Variants in PPARGC1B observed in about 807,000 individuals in gnomAD.
PPARGC1B encodes peroxisome proliferator-activated receptor gamma coactivator 1-beta.
Under a neutral mutation model 101.6 loss-of-function variants are expected in PPARGC1B, and 34 were observed. The ratio of observed to expected loss-of-function variants is 0.33; its 90% CI spans 0.25 to 0.45. The LOEUF is 0.45. PPARGC1B is among the 20% of genes least tolerant of loss of function. The probability of loss-of-function intolerance (pLI) is 1.00; values close to 1 mark genes in which losing one functional copy is unlikely to be tolerated. For synonymous variants in PPARGC1B, 548 were observed against 539.3 expected (o/e 1.02, Z -0.22); for missense variants, 1,234 against 1,317.6 (o/e 0.94, Z 0.98).
intron 4 of PPARGC1B, among the ~76,000 whole-genome samples, chr5:149,831,981 G>A (rs1246361020): frequency 6.6e-6 from 1 of 152,156 alleles, no homozygotes; most frequent in Admixed American, 6.5e-5. Flanking sequence ...TTATACCCAT[G>A]CAATTGTGAC....
chr5:149,809,543 C>G (rs1757765299), intron 1 of PPARGC1B, among the ~76,000 whole-genome samples: 1 of 150,144 alleles, frequency 6.7e-6, no homozygotes, highest in African/African-American at 2.5e-5. Context: ...AGCAAGCAAG[C>G]TGGGAGTGGT....
Position 149,836,880 on chromosome 5 carries a change from G to A in PPARGC1B, c.2425G>A (p.Glu809Lys). Reference sequence around the variant, plus strand: ...CGAGAGCAGCTTCCTCCCAGAGGAGGAAGAGGAAGAAGGGGAGGAGGAGGA... The same window carrying A: ...CGAGAGCAGCTTCCTCCCAGAGGAGAAAGAGGAAGAAGGGGAGGAGGAGGA... The part of the protein sequence containing the change: ...SGESSFLPEE[E>K]EEEGEEEEED... The change falls in exon 8 of 12, where the codon GAA (glutamate) becomes AAA (lysine). Residue 809 changes from glutamate (E) to lysine (K), a missense_variant. Physicochemically the swap from Glu to Lys is moderately conservative, Grantham distance 56. Around this residue, in one of 3 missense-constraint regions of PPARGC1B, gnomAD observed 497 missense variants for 529.5 expected, o/e 0.94. Transcript: ENST00000309241. The A allele has an allele frequency of 1.2e-6, 2 of 1,613,132 alleles. No homozygotes were observed. The highest frequency in any genetic ancestry group is 1.7e-6 in the Non-Finnish European group (2 of 1,179,988).
At position 149,849,237 on chromosome 5, in the gene PPARGC1B, G is replaced by C. The variant is rs1388099517; in HGVS notation, c.*1679G>C. 21 of 152,170 alleles carry C rather than the reference G, an allele frequency of 1.4e-4. No individual in the cohort carries two copies. 9.4% of individuals were successfully genotyped at this position (152,170 alleles called of 1,614,324 possible). The stretch of plus-strand genomic sequence containing the variant: ...TAAAGATTATCAAATACCTCAGTAG[G>C]TAAAATGAGCCCATGATCTTCCACT... On this transcript the variant is annotated 3_prime_UTR_variant, in exon 12 of 12. Transcript: ENST00000309241.
intron 1 of PPARGC1B, among the ~76,000 whole-genome samples, chr5:149,816,064 C>CTTA (rs1174500463): frequency 6.6e-6 from 1 of 152,160 alleles, no homozygotes; most frequent in African/African-American, 2.4e-5. Context: ...ACAAGAAGGC[C>CTTA]TTAATTCAGA....
chr5:149,844,349 A>G (rs1205493126), intron 10 of PPARGC1B, among the ~76,000 whole-genome samples: 1 of 152,206 alleles, frequency 6.6e-6, no homozygotes, highest in Non-Finnish European at 1.5e-5. Flanking sequence ...CCAATATTAG[A>G]CATTAAAGAG....
chr5:149,731,501 G>C (rs1209716031), intron 1 of PPARGC1B, among the ~76,000 whole-genome samples: 1 of 152,184 alleles, frequency 6.6e-6, no homozygotes. Flanking sequence ...GCCTGGGCAC[G>C]GAGAGGGGCG....
chr5:149,856,008 T>G (rs368937228), downstream of PPARGC1B, among the ~76,000 whole-genome samples: 1 of 151,870 alleles, frequency 6.6e-6, no homozygotes, highest in Non-Finnish European at 1.5e-5. Context: ...TCCCAGCTAC[T>G]CGGGAGGCTG....
chr5:149,747,544 G>A (rs759301636), intron 1 of PPARGC1B, among the ~76,000 whole-genome samples: 54 of 152,274 alleles, frequency 3.5e-4, no homozygotes, highest in Admixed American at 7.8e-4. Flanking sequence ...CCAGGGCCCC[G>A]CCCCAAAATA....
In PPARGC1B at chr5:149,836,570, A is replaced by C. The variant is rs1352274539; in HGVS notation, c.2115A>C (p.Gln705His). Reference sequence around the variant, plus strand: ...TGCTCCGACCAGAAGGCGTCCTGCAAAGGAAGGTGCTGAGGTCCTGGGAGC... The same window carrying C: ...TGCTCCGACCAGAAGGCGTCCTGCACAGGAAGGTGCTGAGGTCCTGGGAGC... ...CQVLRPEGVL[Q>H]RKVLRSWEPS... The change falls in exon 8 of 12, where the codon CAA (glutamine) becomes CAC (histidine). Residue 705 changes from glutamine (Q) to histidine (H), a missense_variant. Coordinates refer to ENST00000309241, the MANE Select transcript of PPARGC1B (RefSeq NM_133263.4). The C allele has an allele frequency of 3.1e-6, 5 of 1,613,802 alleles. No homozygotes were observed. The highest frequency in any genetic ancestry group is 4.2e-6 in the Non-Finnish European group (5 of 1,180,042).
At chr5:149,749,486 C>G (rs1469823350) in intron 1 of PPARGC1B, among the ~76,000 whole-genome samples, 2 of 152,118 alleles carry the variant, frequency 1.3e-5, no homozygotes, top group Non-Finnish European at 2.9e-5. Flanking sequence ...GAGTTCCCTG[C>G]CTTATCTTGA....
intron 1 of PPARGC1B, among the ~76,000 whole-genome samples, chr5:149,748,296 TATA>T (rs1755158563): frequency 7.4e-6 from 1 of 134,718 alleles, no homozygotes; most frequent in African/African-American, 2.9e-5. Flanking sequence ...GAGATATAGA[TATA>T]GATATAGATA....
Position 149,832,674 on chromosome 5 carries a change from A to C in PPARGC1B, c.601A>C (p.Lys201Gln). The C allele has an allele frequency of 6.5e-7, 1 of 1,546,906 alleles. No individual in the cohort carries two copies. The highest frequency in any genetic ancestry group is 8.7e-7 in the Non-Finnish European group (1 of 1,143,614). ...PCVKADSTQD[K>Q]KAPMMQSQSR... ...TCTCTAGGCGGACAGCACCCAAGAC[A>C]AGAAGGCTCCCATGATGCAGTCTCA... is the stretch of plus-strand genomic sequence containing the variant. The change falls in exon 5 of 12, where the codon AAG (lysine) becomes CAG (glutamine). Residue 201 changes from lysine to glutamine, a missense_variant. Physicochemically the swap from Lys to Gln is moderately conservative, Grantham distance 53. This residue lies in a region of PPARGC1B where 734 missense variants were observed against 768.4 expected (regional missense o/e 0.96). Transcript: ENST00000309241. This position sits in a 1 kb window ranked among gnomAD's most constrained non-coding sequence, Gnocchi z 4.9.
intron 1 of PPARGC1B, among the ~76,000 whole-genome samples, chr5:149,789,740 T>C (rs545705170): frequency 6.6e-6 from 1 of 152,356 alleles, no homozygotes; most frequent in Admixed American, 6.5e-5. Flanking sequence ...GAATCCCTTC[T>C]TGATGGTACT....
At chr5:149,732,172 G>T (rs548716470) in intron 1 of PPARGC1B, among the ~76,000 whole-genome samples, 11 of 152,288 alleles carry the variant, frequency 7.2e-5, no homozygotes, top group African/African-American at 2.4e-4. Context: ...CACGCCCCGC[G>T]CCGGTGTCTG....
chr5:149,753,721 T>C (rs1047662913), intron 1 of PPARGC1B, among the ~76,000 whole-genome samples: 2 of 152,030 alleles, frequency 1.3e-5, no homozygotes, highest in Non-Finnish European at 2.9e-5. Flanking sequence ...TGAGACGGAG[T>C]CTTGCTTTGT....
chr5:149,800,713 G>A (rs1184158170), intron 1 of PPARGC1B, among the ~76,000 whole-genome samples: 1 of 152,216 alleles, frequency 6.6e-6, no homozygotes, highest in Non-Finnish European at 1.5e-5. Context: ...CAACAGGTGG[G>A]GCCAGGTGCA....
intron 11 of PPARGC1B, chr5:149,846,338 C>T (rs1404267051): frequency 2.0e-5 from 6 of 301,162 alleles, no homozygotes; most frequent in Middle Eastern, 9.2e-4. Flanking sequence ...GTACAATGTA[C>T]GAAAGAATTA....
rs747302115 is a variant in PPARGC1B at position 149,837,061 on chromosome 5, G to A, written c.2606G>A (p.Arg869Gln). Residue 869 changes from arginine to glutamine, a missense_variant, in exon 8 of 12, where the codon CGA becomes CAA. Arg to Gln is a conservative substitution (Grantham distance 43). Coordinates refer to ENST00000309241, the MANE Select transcript of PPARGC1B (RefSeq NM_133263.4). This position sits in a 1 kb window ranked among gnomAD's most constrained non-coding sequence, Gnocchi z 4.2. ...SPCHSWSPAT[R>Q]RNFRCESRGP... ...TGCCACTCCTGGTCACCAGCCACTC[G>A]AAGGAACTTCAGGTATGAACAGGGG... is the stretch of plus-strand genomic sequence containing the variant. 7.4e-6 allele frequency: 12 copies of A among 1,612,442 alleles called. No homozygotes were observed. Among genetic ancestry groups the A allele is most frequent in the South Asian group, 5.5e-5 (5 of 90,902 alleles).
At chr5:149,780,902 G>A (rs993669430) in intron 1 of PPARGC1B, among the ~76,000 whole-genome samples, 2 of 152,166 alleles carry the variant, frequency 1.3e-5, no homozygotes, top group Non-Finnish European at 2.9e-5. Context: ...GTTCTGGCTC[G>A]AGCTAAGAAG....
Sources: allele counts gnomAD v4.1 joint callset (sites outside exome capture counted in the v4.1 genomes callset), GRCh38; gene constraint gnomAD v4.1.1; regional missense constraint gnomAD v4.1.1; non-coding constraint Gnocchi (gnomAD v3.1); transcripts MANE v1.5; gene names NCBI Gene and HGNC (gene_info 2026-07-23, HGNC 2026-07-21).